Variants in CRIM1 observed in about 807,000 individuals in gnomAD.
CRIM1 encodes cysteine-rich motor neuron 1 protein.
In CRIM1, 32 loss-of-function variants were observed where a neutral mutation model predicts 116.4. The observed-to-expected ratio is 0.27, with a 90% CI of 0.21 to 0.37. The LOEUF (loss-of-function observed/expected upper bound fraction) is 0.37. CRIM1 is among the 10% of genes least tolerant of loss of function. The pLI is 1.00. For synonymous variants in CRIM1, 590 were observed against 509.2 expected (o/e 1.16, Z -2.13); for missense variants, 1,331 against 1,354.8 (o/e 0.98, Z 0.28).
chr2:36,388,620 C>T (rs537513465), intron 1 of CRIM1, among the ~76,000 whole-genome samples: 100 of 152,230 alleles, frequency 6.6e-4, no homozygotes, highest in Non-Finnish European at 7.5e-4. Flanking sequence ...GTTGTGGTCT[C>T]CTGGGCCAAG....
intron 2 of CRIM1, among the ~76,000 whole-genome samples, chr2:36,403,022 A>G (rs1043150854): frequency 2.0e-5 from 3 of 152,184 alleles, no homozygotes; most frequent in Non-Finnish European, 4.4e-5. Context: ...AGAAAAGTCA[A>G]ATCTCTCCAG....
At chr2:36,413,563 C>G (rs1000182703) in intron 2 of CRIM1, among the ~76,000 whole-genome samples, 1 of 152,114 alleles carries the variant, frequency 6.6e-6, no homozygotes, top group African/African-American at 2.4e-5. Context: ...AGAGAGAGCC[C>G]AGAACCAACA....
intron 2 of CRIM1, among the ~76,000 whole-genome samples, chr2:36,414,837 C>T (rs1347959297): frequency 6.6e-6 from 1 of 152,064 alleles, no homozygotes; most frequent in Non-Finnish European, 1.5e-5. Context: ...GGGAAGGGCT[C>T]AGTTACACAG....
chr2:36,499,475 A>G (rs1463074717), intron 8 of CRIM1, 128 bp downstream of exon 8: 3 of 957,466 alleles, frequency 3.1e-6, no homozygotes, highest in Non-Finnish European at 4.7e-6. Flanking sequence ...AAAAGGGGAA[A>G]AAAGTTATTT....
At chr2:36,409,724 A>G (rs1673070605) in intron 2 of CRIM1, among the ~76,000 whole-genome samples, 1 of 152,232 alleles carries the variant, frequency 6.6e-6, no homozygotes, top group Non-Finnish European at 1.5e-5. Context: ...ATTTATAGAC[A>G]CATATGTTTA....
intron 7 of CRIM1, among the ~76,000 whole-genome samples, chr2:36,498,967 T>C (rs1196573030): frequency 2.0e-5 from 3 of 152,196 alleles, no homozygotes; most frequent in African/African-American, 4.8e-5. Context: ...AGAGAAGAAT[T>C]GTGTGAAGGT....
chr2:36,499,309 G>A lies in CRIM1; in HGVS notation c.1463G>A (p.Arg488His), dbSNP rs756361822. 8 of 1,614,060 alleles carry A rather than the reference G, an allele frequency of 5.0e-6. No individual in the cohort carries two copies. Among genetic ancestry groups the A allele is most frequent in the Admixed American group, 3.3e-5 (2 of 60,010 alleles). Reference protein sequence around the residue: ...TGKDCINGFKRDHNGCRTCQC... With the variant: ...TGKDCINGFKHDHNGCRTCQC... ...AAGGACTGCATTAATGGTTTCAAAC[G>A]CGATCACAATGGTTGTCGGACCTGT... Residue 488 changes from arginine to histidine, a missense_variant, in exon 8 of 17, where the codon CGC becomes CAC. Coordinates refer to ENST00000280527, the MANE Select transcript of CRIM1 (RefSeq NM_016441.3).
intron 1 of CRIM1, among the ~76,000 whole-genome samples, chr2:36,363,419 G>C (rs1209459052): frequency 6.6e-6 from 1 of 151,654 alleles, no homozygotes; most frequent in African/African-American, 2.4e-5. Context: ...CTTGGGCTCA[G>C]TCTCTTGTTC....
chr2:36,396,887 A>G (rs1156887227), intron 2 of CRIM1, 100 bp downstream of exon 2: 1 of 1,017,408 alleles, frequency 9.8e-7, no homozygotes, highest in African/African-American at 1.6e-5. Context: ...AGACAAGTTT[A>G]CAGAGAGTGG....
At chr2:36,383,138 G>A in intron 1 of CRIM1, among the ~76,000 whole-genome samples, 2 of 151,764 alleles carry the variant, frequency 1.3e-5, no homozygotes, top group Middle Eastern at 6.8e-3. Context: ...CTACTTAACT[G>A]CATGTGGGAA....
In CRIM1 at chr2:36,517,369, T is replaced by C. The variant is rs1179547339; in HGVS notation, c.2033T>C (p.Ile678Thr). The C allele has an allele frequency of 6.2e-7, 1 of 1,614,180 alleles. No individual in the cohort carries two copies. The highest frequency in any genetic ancestry group is 8.5e-7 in the Non-Finnish European group (1 of 1,180,016). The stretch of plus-strand genomic sequence containing the variant: ...AAGCCAGAGCTCAGTACTCCCTCCA[T>C]TTGCCACGCCCCTGGAGGAGAATAC... ...VQKPELSTPS[I>T]CHAPGGEYFV... Residue 678 changes from isoleucine to threonine, a missense_variant, in exon 12 of 17, where the codon ATT becomes ACT. Physicochemically the swap from Ile to Thr is moderately conservative, Grantham distance 89 (BLOSUM62 -1). Coordinates refer to ENST00000280527, the MANE Select transcript of CRIM1 (RefSeq NM_016441.3).
At chr2:36,523,421 G>A (rs966359806) in intron 13 of CRIM1, among the ~76,000 whole-genome samples, 5 of 152,132 alleles carry the variant, frequency 3.3e-5, no homozygotes, top group African/African-American at 1.2e-4. Flanking sequence ...GAGGATCTAT[G>A]TATATTAGCA....
At chr2:36,461,503 A>G (rs1410654320) in intron 4 of CRIM1, among the ~76,000 whole-genome samples, 1 of 152,228 alleles carries the variant, frequency 6.6e-6, no homozygotes, top group African/African-American at 2.4e-5. Flanking sequence ...AGTCTCTTCT[A>G]GTGGAAAACA....
chr2:36,479,630 C>T lies in CRIM1; in HGVS notation c.1308C>T (p.Thr436=), dbSNP rs77551206. ...ACGGTGAACGCCACTGCGTTGCGAC[C>T]GTCTGCGGACAGACCTGCACAAACC... ...CVNGERHCVA[T]VCGQTCTNPV... Residue 436 remains threonine (T), a synonymous_variant, in exon 7 of 17, where the codon ACC becomes ACT. Coordinates refer to ENST00000280527, the MANE Select transcript of CRIM1 (RefSeq NM_016441.3). 1.3e-5 allele frequency: 21 copies of T among 1,614,094 alleles called. No individual in the cohort carries two copies. The highest frequency in any genetic ancestry group is 2.7e-5 in the African/African-American group (2 of 74,930).
intron 12 of CRIM1, among the ~76,000 whole-genome samples, chr2:36,521,714 C>A (rs1331080266): frequency 6.6e-6 from 1 of 152,178 alleles, no homozygotes; most frequent in Non-Finnish European, 1.5e-5. Flanking sequence ...GTCCCATTAG[C>A]TACGGCTAGA....
intron 2 of CRIM1, among the ~76,000 whole-genome samples, chr2:36,421,601 A>G (rs1011676583): frequency 6.6e-6 from 1 of 152,198 alleles, no homozygotes; most frequent in African/African-American, 2.4e-5. Flanking sequence ...CTGGCGAAAA[A>G]GCAGTAGAAT....
intron 7 of CRIM1, among the ~76,000 whole-genome samples, chr2:36,492,584 T>C (rs1680302761): frequency 6.6e-6 from 1 of 152,182 alleles, no homozygotes; most frequent in South Asian, 2.1e-4. Flanking sequence ...GTTGACAATT[T>C]AGTGATTTAT....
intron 6 of CRIM1, among the ~76,000 whole-genome samples, chr2:36,478,074 T>C (rs544873558): frequency 6.6e-6 from 1 of 152,186 alleles, no homozygotes; most frequent in Non-Finnish European, 1.5e-5. Context: ...CATGCCACTT[T>C]CCATACTTCC....
chr2:36,514,072 C>T (rs1372412918), intron 11 of CRIM1, among the ~76,000 whole-genome samples: 1 of 152,192 alleles, frequency 6.6e-6, no homozygotes, highest in Non-Finnish European at 1.5e-5. Flanking sequence ...TACATTCCAG[C>T]TCTCCATTTT....
Sources: allele counts gnomAD v4.1 joint callset (sites outside exome capture counted in the v4.1 genomes callset), GRCh38; gene constraint gnomAD v4.1.1; transcripts MANE v1.5; gene names NCBI Gene and HGNC (gene_info 2026-07-23, HGNC 2026-07-21).